The following SLC30A8 variants were observed in gnomAD, a reference collection of about 807,000 sequenced individuals.
SLC30A8 encodes solute carrier family 30 member 8, also known as proton-coupled zinc antiporter SLC30A8.
Under a neutral mutation model 36.9 loss-of-function variants are expected in SLC30A8, and 27 were observed. That is an observed-to-expected ratio of 0.73 (90% CI 0.54 to 1.01). SLC30A8 has a LOEUF of 1.01. Ranked by LOEUF, SLC30A8 falls within the 50% of genes least tolerant of loss-of-function variation. SLC30A8 has a pLI of 0.00. For synonymous variants in SLC30A8, 164 were observed against 172.4 expected, an observed-to-expected ratio of 0.95 and a Z score of 0.38; for missense variants, 439 against 452.0, an observed-to-expected ratio of 0.97 and a Z score of 0.26.
At chr8:117,028,352 A>G (rs971441035) in intron 1 of SLC30A8, among the ~76,000 whole-genome samples, 1 of 152,226 alleles carries the variant, frequency 6.6e-6, no homozygotes, top group Non-Finnish European at 1.5e-5. Flanking sequence ...TGAAATATGA[A>G]TACAACAAAC....
intron 1 of SLC30A8, among the ~76,000 whole-genome samples, chr8:116,974,882 T>C (rs976513560): frequency 1.2e-4 from 18 of 152,138 alleles, no homozygotes; most frequent in African/African-American, 4.3e-4. Flanking sequence ...TCATGTCCTT[T>C]GTAGGGACAT....
At chr8:117,018,416 A>G (rs1326639739) in intron 1 of SLC30A8, among the ~76,000 whole-genome samples, 2 of 152,118 alleles carry the variant, frequency 1.3e-5, no homozygotes, top group Non-Finnish European at 2.9e-5. Context: ...CTAAGTCTTC[A>G]AAATCCATAA....
chr8:117,160,446 T>TGTGTGTGCGC (rs150458118), intron 4 of SLC30A8, among the ~76,000 whole-genome samples: 13 of 144,516 alleles, frequency 9.0e-5, no homozygotes, highest in Admixed American at 3.4e-4. Context: ...CGCGCACATG[T>TGTGTGTGCGC]GCGCGCGGTG....
chr8:117,046,225 G>C (rs887762781), intron 2 of SLC30A8, among the ~76,000 whole-genome samples: 1 of 152,206 alleles, frequency 6.6e-6, no homozygotes, highest in Non-Finnish European at 1.5e-5. Flanking sequence ...CTTTGGGGCT[G>C]ATGCTGGAGC....
intron 2 of SLC30A8, among the ~76,000 whole-genome samples, chr8:117,048,290 A>G (rs1817613485): frequency 6.6e-6 from 1 of 152,154 alleles, no homozygotes; most frequent in African/African-American, 2.4e-5. Flanking sequence ...GAAAGAATTG[A>G]ATGTGTTCAT....
At chr8:117,145,262 T>C (rs1190509285) in intron 1 of SLC30A8, among the ~76,000 whole-genome samples, 3 of 152,142 alleles carry the variant, frequency 2.0e-5, no homozygotes, top group African/African-American at 4.8e-5. Context: ...AATCTAATTA[T>C]GTAAAAAATA....
intron 2 of SLC30A8, among the ~76,000 whole-genome samples, chr8:117,103,235 A>G (rs1434797362): frequency 6.6e-6 from 1 of 152,026 alleles, no homozygotes; most frequent in Non-Finnish European, 1.5e-5. Context: ...GAAAATTTTC[A>G]TTCTAAAAGT....
intron 2 of SLC30A8, among the ~76,000 whole-genome samples, 198 bp from the exon 3 acceptor site, chr8:117,152,746 C>A (rs1822251870): frequency 6.6e-6 from 1 of 152,184 alleles, no homozygotes; most frequent in African/African-American, 2.4e-5. Context: ...ATGGCTTCTC[C>A]TTTGAAATTG....
intron 2 of SLC30A8, among the ~76,000 whole-genome samples, chr8:117,075,122 T>C (rs990553061): frequency 6.6e-6 from 1 of 152,174 alleles, no homozygotes; most frequent in Non-Finnish European, 1.5e-5. Context: ...CTATAACTAA[T>C]ATAATCTAGC....
At chr8:117,084,745 G>A (rs756211530) in intron 2 of SLC30A8, among the ~76,000 whole-genome samples, 3 of 152,216 alleles carry the variant, frequency 2.0e-5, no homozygotes, top group South Asian at 2.1e-4. Flanking sequence ...CAGTCTCTCC[G>A]CTAAAGACTT....
At chr8:117,118,820 C>T (rs1820563277) in intron 2 of SLC30A8, among the ~76,000 whole-genome samples, 1 of 151,876 alleles carries the variant, frequency 6.6e-6, no homozygotes, top group African/African-American at 2.4e-5. Context: ...ATTAACTGAA[C>T]AACAATTTGA....
chr8:116,972,257 A>C (rs1009587119), intron 1 of SLC30A8, among the ~76,000 whole-genome samples: 1 of 152,320 alleles, frequency 6.6e-6, no homozygotes, highest in East Asian at 1.9e-4. Flanking sequence ...TCTGGGGAGC[A>C]ATTTATACTT....
chr8:116,982,798 A>AT (rs1471747848), intron 1 of SLC30A8, among the ~76,000 whole-genome samples: 2 of 152,038 alleles, frequency 1.3e-5, no homozygotes, highest in African/African-American at 4.8e-5. Context: ...GGGCACATAT[A>AT]TTTTTTTAAA....
intron 1 of SLC30A8, among the ~76,000 whole-genome samples, chr8:116,983,041 A>C (rs928141901): frequency 6.6e-6 from 1 of 152,148 alleles, no homozygotes; most frequent in Non-Finnish European, 1.5e-5. Context: ...GAAAGAATCT[A>C]CCTTTCAAAC....
At chr8:116,955,413 A>G (rs1004168955) in intron 1 of SLC30A8, among the ~76,000 whole-genome samples, 2 of 152,072 alleles carry the variant, frequency 1.3e-5, no homozygotes, top group Non-Finnish European at 2.9e-5. Flanking sequence ...AGAGAGTGGA[A>G]TGCTGCACCT....
intron 4 of SLC30A8, among the ~76,000 whole-genome samples, chr8:117,158,963 G>C (rs940204973): frequency 1.3e-5 from 2 of 152,208 alleles, no homozygotes; most frequent in Non-Finnish European, 2.9e-5. Flanking sequence ...TGATTATCCA[G>C]GTGGGTCCAC....
chr8:117,027,395 C>G (rs139616406), intron 1 of SLC30A8, among the ~76,000 whole-genome samples: 2 of 152,328 alleles, frequency 1.3e-5, no homozygotes, highest in African/African-American at 4.8e-5. Context: ...CTTCCTACAG[C>G]TGTTTTCTTC....
chr8:116,971,698 G>T (rs900372921), intron 1 of SLC30A8, among the ~76,000 whole-genome samples: 1 of 151,826 alleles, frequency 6.6e-6, no homozygotes, highest in African/African-American at 2.4e-5. Context: ...CCCTAGGCTT[G>T]TCTCTGTAGA....
intron 1 of SLC30A8, among the ~76,000 whole-genome samples, chr8:116,969,225 C>T (rs1385837403): frequency 6.6e-6 from 1 of 151,850 alleles, no homozygotes; most frequent in Non-Finnish European, 1.5e-5. Flanking sequence ...CGAGACCAGC[C>T]CGGCCAACAT....
Sources: allele counts gnomAD v4.1 joint callset (sites outside exome capture counted in the v4.1 genomes callset), GRCh38; gene constraint gnomAD v4.1.1; transcripts MANE v1.5; gene names NCBI Gene and HGNC (gene_info 2026-07-23, HGNC 2026-07-21).